ZRANB3: variants seen among roughly 807,000 people sequenced by gnomAD.
The protein encoded by ZRANB3 is DNA annealing helicase and endonuclease ZRANB3.
A neutral mutation model predicts 133.8 loss-of-function variants in ZRANB3; 125 were observed. The observed-to-expected ratio is 0.93, with a 90% CI of 0.81 to 1.08. The LOEUF is 1.08. Ranked by LOEUF, ZRANB3 falls within the 50% of genes least tolerant of loss-of-function variation. The probability of loss-of-function intolerance (pLI) is 0.00; values close to 1 mark genes in which losing one functional copy is unlikely to be tolerated. For synonymous variants in ZRANB3, 387 were observed against 432.7 expected (o/e 0.89, Z 1.31); for missense variants, 1,229 against 1,275.5 (o/e 0.96, Z 0.56).
Position 135,341,908 on chromosome 2 carries a change from T to C in ZRANB3, c.677+3642A>G, listed in dbSNP as rs563474052. 4.7e-5 allele frequency among the ~76,000 whole-genome samples: 7 copies of C among 150,098 alleles called. No homozygotes were observed. In the South Asian group the frequency reaches 1.4e-3, roughly 31 times the overall value. ...TCTGCTCTTGAACCCTGTTAAGATG[T>C]TTATCAAAGATAATGGGTGCACAGT... On this transcript the variant is annotated intron_variant, in intron 6 of 20. Coordinates refer to ENST00000264159, the MANE Select transcript of ZRANB3 (RefSeq NM_032143.4).
chr2:135,405,852 C>A (rs1687993330), intron 2 of ZRANB3, among the ~76,000 whole-genome samples: 1 of 152,202 alleles, frequency 6.6e-6, no homozygotes, highest in South Asian at 2.1e-4. Context: ...GTACTAAATG[C>A]CCACAAGAGA....
At chr2:135,331,568 T>C (rs1167814986) in intron 6 of ZRANB3, among the ~76,000 whole-genome samples, 1 of 152,172 alleles carries the variant, frequency 6.6e-6, no homozygotes, top group African/African-American at 2.4e-5. Flanking sequence ...AGATGTCTAT[T>C]AGGTCTGCAC....
chr2:135,349,926 A>C, intron 5 of ZRANB3, 58 bp downstream of exon 5: 1 of 1,502,170 alleles, frequency 6.7e-7, no homozygotes, highest in East Asian at 2.3e-5. Flanking sequence ...TGGTTGATTC[A>C]ATACGCCTCC....
chr2:135,359,411 C>CT (rs1211634823), intron 3 of ZRANB3, among the ~76,000 whole-genome samples: 1 of 151,866 alleles, frequency 6.6e-6, no homozygotes, highest in Admixed American at 6.6e-5. Context: ...GAGAGAGACT[C>CT]TGTCTCTATA....
intron 6 of ZRANB3, among the ~76,000 whole-genome samples, chr2:135,323,223 A>G (rs572506340): frequency 2.6e-5 from 4 of 152,208 alleles, no homozygotes; most frequent in South Asian, 2.1e-4. Flanking sequence ...AAACAGTTTG[A>G]CACATGATAG....
Position 135,299,729 on chromosome 2 carries a change from T to C in ZRANB3, c.966+13760A>G, listed in dbSNP as rs74963875. 7.1e-3 allele frequency among the ~76,000 whole-genome samples: 1,082 copies of C among 152,324 alleles called. 11 individuals carry two copies. The highest frequency in any genetic ancestry group is 0.024 in the African/African-American group (1,013 of 41,568). ...AAATATACTTTGTCCTCCTAAGAAGTACTTCAAAAGGCAGACTAGCATAAA... is the reference window on the plus strand; with the variant it reads ...AAATATACTTTGTCCTCCTAAGAAGCACTTCAAAAGGCAGACTAGCATAAA... On this transcript the variant is annotated intron_variant, in intron 8 of 20. Transcript: ENST00000264159.
At chr2:135,442,113 A>G (rs188214543) in intron 2 of ZRANB3, among the ~76,000 whole-genome samples, 6 of 152,340 alleles carry the variant, frequency 3.9e-5, no homozygotes, top group Admixed American at 3.3e-4. Flanking sequence ...CCTAGGCAAT[A>G]CCATTCAGGA....
chr2:135,470,006 T>C (rs1350307548), intron 2 of ZRANB3, among the ~76,000 whole-genome samples: 2 of 142,332 alleles, frequency 1.4e-5, no homozygotes, highest in East Asian at 4.1e-4. Flanking sequence ...AGCGAGACTC[T>C]TACCTCAAAA....
At chr2:135,205,245 A>G (rs143913324) in intron 19 of ZRANB3, among the ~76,000 whole-genome samples, 1 of 152,138 alleles carries the variant, frequency 6.6e-6, no homozygotes, top group African/African-American at 2.4e-5. Flanking sequence ...CTGAGGGGTG[A>G]TTCTTTTTAA....
chr2:135,258,911 A>G (rs1172200920), intron 12 of ZRANB3, among the ~76,000 whole-genome samples: 1 of 152,170 alleles, frequency 6.6e-6, no homozygotes, highest in East Asian at 1.9e-4. Context: ...CAGGAAAAAA[A>G]GTTTATTTTT....
At chr2:135,411,354 A>T (rs1688294184) in intron 2 of ZRANB3, among the ~76,000 whole-genome samples, 1 of 152,192 alleles carries the variant, frequency 6.6e-6, no homozygotes, top group Non-Finnish European at 1.5e-5. Flanking sequence ...GGAAAGCAGT[A>T]AGGAGTTTTC....
chr2:135,433,771 C>T (rs1343193115), intron 2 of ZRANB3, among the ~76,000 whole-genome samples: 1 of 152,108 alleles, frequency 6.6e-6, no homozygotes, highest in Non-Finnish European at 1.5e-5. Context: ...CCGAGGCGAG[C>T]GGATCACGAG....
chr2:135,413,976 C>T (rs894958431), intron 2 of ZRANB3, among the ~76,000 whole-genome samples: 1 of 151,958 alleles, frequency 6.6e-6, no homozygotes. Context: ...TGGAAAGGAA[C>T]GAGTACCAAC....
chr2:135,496,247 G>C (rs1449795183), intron 2 of ZRANB3, among the ~76,000 whole-genome samples: 2 of 151,924 alleles, frequency 1.3e-5, no homozygotes, highest in Non-Finnish European at 2.9e-5. Flanking sequence ...AGCCAGGCGT[G>C]GTGGCGTGCG....
intron 1 of ZRANB3, among the ~76,000 whole-genome samples, chr2:135,530,135 G>A (rs915988781): frequency 6.6e-6 from 1 of 150,988 alleles, no homozygotes; most frequent in African/African-American, 2.4e-5. Flanking sequence ...GCTGAGACAG[G>A]AGAATGGCGT....
At chr2:135,253,473 A>G (rs541729640) in intron 12 of ZRANB3, among the ~76,000 whole-genome samples, 1 of 152,312 alleles carries the variant, frequency 6.6e-6, no homozygotes, top group East Asian at 1.9e-4. Flanking sequence ...AGATACAGAC[A>G]CACTCCGAGA....
At chr2:135,370,325 C>T (rs1182552692) in intron 3 of ZRANB3, among the ~76,000 whole-genome samples, 3 of 151,868 alleles carry the variant, frequency 2.0e-5, no homozygotes, top group African/African-American at 4.8e-5. Flanking sequence ...TATCCTTCAC[C>T]CGCTTCCCAC....
Position 135,296,589 on chromosome 2 carries a change from C to T in ZRANB3, c.966+16900G>A, listed in dbSNP as rs189560037. On this transcript the variant is annotated intron_variant, in intron 8 of 20. Transcript: ENST00000264159. ...CCTTCTTCTCTCAACTCGTCAAAGT[C>T]GTTCTCCATCCAGCTTTGTTCTGTT... 4.7e-3 allele frequency among the ~76,000 whole-genome samples: 714 copies of T among 152,250 alleles called. 3 individuals carry two copies. The highest frequency in any genetic ancestry group is 7.3e-3 in the Non-Finnish European group (497 of 68,016).
At position 135,309,217 on chromosome 2, in the gene ZRANB3, G is replaced by A. The variant is rs554457696; in HGVS notation, c.966+4272C>T. The stretch of plus-strand genomic sequence containing the variant: ...AGGATGGTCTTGATCTCCTGACCTC[G>A]TGATCTGCCTGCCTCGGCTTCCCAA... On this transcript the variant is annotated intron_variant, in intron 8 of 20. Coordinates refer to ENST00000264159, the MANE Select transcript of ZRANB3 (RefSeq NM_032143.4). Among the ~76,000 whole-genome samples, 5 of 152,064 alleles carry A rather than the reference G, an allele frequency of 3.3e-5. No individual in the cohort carries two copies. In the East Asian group the frequency reaches 7.8e-4, roughly 24 times the overall value.
Sources: gnomAD v4.1 joint callset for allele counts (sites outside exome capture counted in the v4.1 genomes callset) on GRCh38, gnomAD v4.1.1 for gene constraint, MANE v1.5 for transcripts, NCBI Gene and HGNC (gene_info 2026-07-23, HGNC 2026-07-21) for gene names.